The following DGKG variants were observed in gnomAD, a reference collection of about 807,000 sequenced individuals.
DGKG encodes the protein diacylglycerol kinase gamma, also known as DAG kinase gamma.
DGKG carries 78 observed loss-of-function variants against 105.3 expected under a neutral mutation model. That is an observed-to-expected ratio of 0.74 (90% confidence interval 0.62 to 0.89). DGKG has a LOEUF of 0.89. DGKG is among the 40% of genes least tolerant of loss of function. DGKG has a pLI of 0.00. For missense variants in DGKG, 958 were observed against 1,020.1 expected (o/e 0.94, Z 0.83); for synonymous variants, 346 against 367.1 (o/e 0.94, Z 0.66).
chr3:186,183,737 T>C (rs1486086864), intron 22 of DGKG, among the ~76,000 whole-genome samples: 1 of 151,828 alleles, frequency 6.6e-6, no homozygotes, highest in Non-Finnish European at 1.5e-5. Context: ...GAAGTTTCGC[T>C]CTTGTTGCCC....
chr3:186,325,695 A>G (rs1261924527), intron 1 of DGKG, among the ~76,000 whole-genome samples: 6 of 151,516 alleles, frequency 4.0e-5, no homozygotes, highest in Non-Finnish European at 4.4e-5. Context: ...AAATAAAGAT[A>G]AATTATAAAT....
In DGKG at chr3:186,275,402, C is replaced by T. The variant is rs139655795; in HGVS notation, c.910+145G>A. ...GGGTAAAAACAGGACATGAAGGCCT[C>T]GCTTTATTCCTTCTGTTGGGACAAT... On this transcript the variant is annotated intron_variant, in intron 10 of 24. Transcript: ENST00000265022. 1.7e-4 allele frequency: 118 copies of T among 693,788 alleles called. No individual in the cohort carries two copies. In the East Asian group the frequency reaches 2.6e-3, roughly 15 times the overall value. The allele number at this position is 693,788 out of a possible 1,614,324, so 43.0% of individuals were successfully genotyped here.
At chr3:186,297,062 T>TACACACACACACACACACA (rs1560139860) in intron 5 of DGKG, among the ~76,000 whole-genome samples, 1 of 26,784 alleles carries the variant, frequency 3.7e-5, no homozygotes, top group African/African-American at 7.8e-5. Context: ...TGTCTGTCTG[T>TACACACACACACACACACA]CTCTCTCACA....
Position 186,319,654 on chromosome 3 carries a change from C to T in DGKG, c.67+739G>A, listed in dbSNP as rs115310008. ...AGTGACGGTCACTCTGTGTGGGCAG[C>T]GTGCAGTGGTCAGGTGGTGTCCTGC... On this transcript the variant is annotated intron_variant, in intron 2 of 24. Coordinates refer to ENST00000265022, the MANE Select transcript of DGKG (RefSeq NM_001346.3). Among the ~76,000 whole-genome samples, 1,360 of 152,250 alleles carry T rather than the reference C, an allele frequency of 8.9e-3. 26 individuals carry two copies. Among genetic ancestry groups the T allele is most frequent in the African/African-American group, 0.032 (1,311 of 41,544 alleles).
intron 1 of DGKG, among the ~76,000 whole-genome samples, chr3:186,331,344 T>G (rs1725593500): frequency 6.6e-6 from 1 of 152,210 alleles, no homozygotes; most frequent in Admixed American, 6.5e-5. Context: ...ATAACTGAAT[T>G]AAAGCCCTTG....
intron 20 of DGKG, among the ~76,000 whole-genome samples, chr3:186,235,378 C>T (rs1196728891): frequency 3.3e-5 from 5 of 152,342 alleles, no homozygotes; most frequent in Non-Finnish European, 5.9e-5. Context: ...TGGCTACCTA[C>T]AGCAGGTCTC....
intron 20 of DGKG, among the ~76,000 whole-genome samples, chr3:186,218,502 G>GA (rs10692822): frequency 0.77 from 54,248 of 70,378 alleles, 22,020 homozygotes; most frequent in East Asian, 0.87. Flanking sequence ...GACTCCGTCT[G>GA]AAAAAAAAAA....
chr3:186,327,219 A>G (rs1386344773), intron 1 of DGKG, among the ~76,000 whole-genome samples: 5 of 151,784 alleles, frequency 3.3e-5, no homozygotes, highest in African/African-American at 4.8e-5. Flanking sequence ...CATTCCTCTT[A>G]CTCTTTTCCC....
intron 22 of DGKG, among the ~76,000 whole-genome samples, chr3:186,170,178 C>T (rs1034031915): frequency 3.3e-5 from 5 of 152,190 alleles, no homozygotes; most frequent in Non-Finnish European, 5.9e-5. Flanking sequence ...TGCCAGGTTG[C>T]ACCCTATACC....
At chr3:186,246,787 G>C (rs747742243) in intron 19 of DGKG, among the ~76,000 whole-genome samples, 8 of 152,266 alleles carry the variant, frequency 5.3e-5, no homozygotes, top group Non-Finnish European at 1.0e-4. Flanking sequence ...CTTGTCTGGT[G>C]ATAGCTAGGA....
At chr3:186,281,002 C>T (rs1356356085) in intron 7 of DGKG, 1 of 393,354 alleles carries the variant, frequency 2.5e-6, no homozygotes. Context: ...ACCCACCTTC[C>T]TTCCCTTATT....
chr3:186,182,345 G>A (rs1717399269), intron 22 of DGKG, among the ~76,000 whole-genome samples: 1 of 152,114 alleles, frequency 6.6e-6, no homozygotes, highest in South Asian at 2.1e-4. Flanking sequence ...GCTGACCAAG[G>A]GCTCACCAGG....
intron 22 of DGKG, among the ~76,000 whole-genome samples, chr3:186,166,402 C>T (rs1716547453): frequency 6.6e-6 from 1 of 152,234 alleles, no homozygotes; most frequent in Admixed American, 6.5e-5. Flanking sequence ...TCTCCTTAAA[C>T]ACTCCATCTC....
chr3:186,300,915 T>C (rs989707413), intron 3 of DGKG, among the ~76,000 whole-genome samples: 12 of 152,220 alleles, frequency 7.9e-5, no homozygotes, highest in Admixed American at 7.2e-4. Flanking sequence ...AAATTGTGAG[T>C]GTTGAACTAG....
intron 22 of DGKG, among the ~76,000 whole-genome samples, chr3:186,168,915 A>G (rs1295782244): frequency 2.6e-5 from 4 of 152,218 alleles, no homozygotes; most frequent in Non-Finnish European, 5.9e-5. Flanking sequence ...ATACTTTCAC[A>G]CTGAAAACGT....
At position 186,147,897 on chromosome 3, in the gene DGKG, C is replaced by A; in HGVS notation, c.*2193G>T. ...TTGGTCCCATCACCAAGAATACCAT[C>A]ATTAAAGATATTCTTCAGGTGGCCT... On this transcript the variant is annotated 3_prime_UTR_variant, in exon 25 of 25. Coordinates refer to ENST00000265022, the MANE Select transcript of DGKG (RefSeq NM_001346.3). The A allele has an allele frequency of 1.0e-6, 1 of 985,418 alleles. No individual in the cohort carries two copies. Among genetic ancestry groups the A allele is most frequent in the Non-Finnish European group, 1.2e-6 (1 of 829,928 alleles). The allele number at this position is 985,418 out of a possible 1,614,324, so 61.0% of individuals were successfully genotyped here.
chr3:186,246,709 A>C (rs1159898778), intron 19 of DGKG, among the ~76,000 whole-genome samples: 2 of 152,168 alleles, frequency 1.3e-5, no homozygotes, highest in East Asian at 3.8e-4. Flanking sequence ...AGAATCCAAG[A>C]ATCTGCAGGA....
intron 11 of DGKG, among the ~76,000 whole-genome samples, chr3:186,271,966 G>T (rs917356283): frequency 3.9e-5 from 6 of 152,142 alleles, no homozygotes; most frequent in Non-Finnish European, 7.3e-5. Context: ...TCACTATTCT[G>T]TTCTTTGCTT....
chr3:186,159,225 T>C (rs1716175338), intron 24 of DGKG: 1 of 151,948 alleles, frequency 6.6e-6, no homozygotes, highest in Admixed American at 6.6e-5. Context: ...TATCCTGTGC[T>C]ACATTAATAG....
Sources: allele counts gnomAD v4.1 joint callset (sites outside exome capture counted in the v4.1 genomes callset), GRCh38; gene constraint gnomAD v4.1.1; transcripts MANE v1.5; gene names NCBI Gene and HGNC (gene_info 2026-07-23, HGNC 2026-07-21).